TMEM132D: variants seen among roughly 807,000 people sequenced by gnomAD.
TMEM132D encodes mature OL transmembrane protein.
Under a neutral mutation model 62.3 loss-of-function variants are expected in TMEM132D, and 21 were observed. That is an observed-to-expected ratio of 0.34 (90% CI 0.24 to 0.49). The LOEUF is 0.49. Among genes scored for constraint, TMEM132D ranks in the 20% least tolerant of loss-of-function variants. The probability of loss-of-function intolerance (pLI) is 0.99; values close to 1 mark genes in which losing one functional copy is unlikely to be tolerated. For synonymous variants in TMEM132D, 621 were observed against 575.6 expected (o/e 1.08, Z -1.13); for missense variants, 1,346 against 1,402.8 (o/e 0.96, Z 0.65).
intron 2 of TMEM132D, among the ~76,000 whole-genome samples, chr12:129,554,295 TC>T: frequency 6.6e-6 from 1 of 152,302 alleles, no homozygotes; most frequent in African/African-American, 2.4e-5. Flanking sequence ...GATTTGTTTC[TC>T]CCAGTAATTT....
intron 3 of TMEM132D, among the ~76,000 whole-genome samples, chr12:129,339,111 T>G (rs1198459550): frequency 6.6e-6 from 1 of 151,916 alleles, no homozygotes; most frequent in African/African-American, 2.4e-5. Context: ...TCTCTACTAA[T>G]AATACAAAAA....
At chr12:129,473,939 C>G (rs1275638585) in intron 3 of TMEM132D, among the ~76,000 whole-genome samples, 18 of 152,178 alleles carry the variant, frequency 1.2e-4, no homozygotes, top group Admixed American at 1.2e-3. Flanking sequence ...AAACCACATT[C>G]TTGTATAACC....
At chr12:129,624,624 C>T (rs952080188) in intron 2 of TMEM132D, among the ~76,000 whole-genome samples, 2 of 152,266 alleles carry the variant, frequency 1.3e-5, no homozygotes, top group African/African-American at 4.8e-5. Flanking sequence ...GGCAGACACC[C>T]AGTGCTCACC....
intron 4 of TMEM132D, among the ~76,000 whole-genome samples, chr12:129,278,470 C>T (rs958799622): frequency 1.3e-5 from 2 of 152,168 alleles, no homozygotes; most frequent in Admixed American, 6.5e-5. Flanking sequence ...TCATGCCATG[C>T]ACTCCAAGGC....
chr12:129,738,956 G>A lies in TMEM132D; in HGVS notation c.80-38258C>T, dbSNP rs998417231. Among the ~76,000 whole-genome samples, 3 of 152,140 alleles carry A rather than the reference G, an allele frequency of 2.0e-5. No individual in the cohort carries two copies. The South Asian group carries it at 6.2e-4, about 32-fold the overall frequency. ...AAGGAGTGAGGTGGTGCCATAACTG[G>A]TAGGGAGATTTACTTGGAACAGAAA... On this transcript the variant is annotated intron_variant, in intron 1 of 8. Coordinates refer to ENST00000422113, the MANE Select transcript of TMEM132D (RefSeq NM_133448.3).
chr12:129,893,935 C>A (rs548090523), intron 1 of TMEM132D, among the ~76,000 whole-genome samples: 2 of 152,156 alleles, frequency 1.3e-5, no homozygotes, highest in Non-Finnish European at 2.9e-5. Context: ...ATGATTTTCA[C>A]GCCCTACAGA....
chr12:129,634,213 C>G (rs1879420784), intron 2 of TMEM132D, among the ~76,000 whole-genome samples: 1 of 152,028 alleles, frequency 6.6e-6, no homozygotes, highest in South Asian at 2.1e-4. Context: ...TGGCTCACAT[C>G]TGTAATCTCA....
intron 2 of TMEM132D, among the ~76,000 whole-genome samples, chr12:129,677,831 CT>C (rs869098260): frequency 0.22 from 26,007 of 117,498 alleles, 2,471 homozygotes; most frequent in East Asian, 0.46. Context: ...GTGATTTTGT[CT>C]TTTTTTTTTT....
chr12:129,372,551 C>A (rs1452251365), intron 3 of TMEM132D, among the ~76,000 whole-genome samples: 1 of 151,400 alleles, frequency 6.6e-6, no homozygotes, highest in Non-Finnish European at 1.5e-5. Context: ...TATGTTACCA[C>A]CCACATTCCA....
chr12:129,465,620 A>G (rs1270613123), intron 3 of TMEM132D, among the ~76,000 whole-genome samples: 1 of 152,214 alleles, frequency 6.6e-6, no homozygotes, highest in Non-Finnish European at 1.5e-5. Context: ...AAGTCAATGT[A>G]CAAAAATCAC....
intron 2 of TMEM132D, 61 bp from the exon 3 acceptor site, chr12:129,531,266 T>C: frequency 6.6e-7 from 1 of 1,520,904 alleles, no homozygotes; most frequent in East Asian, 2.3e-5. Context: ...GTCATGCTGG[T>C]TCTGGGAACA....
chr12:129,465,742 GAGCTATCTC>G (rs1303452637), intron 3 of TMEM132D, among the ~76,000 whole-genome samples: 1 of 151,996 alleles, frequency 6.6e-6, no homozygotes, highest in East Asian at 1.9e-4. Flanking sequence ...GAGTGCAGTG[GAGCTATCTC>G]AGCTCACTGT....
At chr12:129,236,902 C>T (rs115352846) in intron 4 of TMEM132D, among the ~76,000 whole-genome samples, 239 of 152,274 alleles carry the variant, frequency 1.6e-3, no homozygotes, top group African/African-American at 5.7e-3. Flanking sequence ...TAAATTCCTT[C>T]TATACCTACA....
chr12:129,287,001 T>C (rs1425770449), intron 4 of TMEM132D, among the ~76,000 whole-genome samples: 1 of 150,296 alleles, frequency 6.7e-6, no homozygotes, highest in Non-Finnish European at 1.5e-5. Flanking sequence ...TGAGCTGAGA[T>C]CACGCCACTG....
chr12:129,368,414 C>G (rs1870492003), intron 3 of TMEM132D, among the ~76,000 whole-genome samples: 1 of 152,140 alleles, frequency 6.6e-6, no homozygotes. Flanking sequence ...ATAACCACGT[C>G]TTTTGCATTA....
At chr12:129,899,172 G>T (rs1000480730) in intron 1 of TMEM132D, among the ~76,000 whole-genome samples, 1 of 150,526 alleles carries the variant, frequency 6.6e-6, no homozygotes, top group Non-Finnish European at 1.5e-5. Context: ...TGGAAGGATG[G>T]GTGGATAGAA....
At chr12:129,462,279 A>T (rs1048269273) in intron 3 of TMEM132D, among the ~76,000 whole-genome samples, 4 of 152,156 alleles carry the variant, frequency 2.6e-5, no homozygotes, top group African/African-American at 9.7e-5. Context: ...AGCACACTGC[A>T]TTGGAAGAGA....
intron 5 of TMEM132D, among the ~76,000 whole-genome samples, chr12:129,205,652 T>TTCACCAAATGAACC (rs1878828396): frequency 6.6e-6 from 1 of 152,078 alleles, no homozygotes; most frequent in Admixed American, 6.6e-5. Context: ...AACTCAACAC[T>TTCACCAAATGAACC]TCACCAAATG....
At chr12:129,120,181 G>C (rs1208126488) in intron 5 of TMEM132D, among the ~76,000 whole-genome samples, 2 of 152,166 alleles carry the variant, frequency 1.3e-5, no homozygotes, top group East Asian at 1.9e-4. Flanking sequence ...TTGTGCATGA[G>C]AGTGAAATGG....
Sources: allele counts gnomAD v4.1 joint callset (sites outside exome capture counted in the v4.1 genomes callset), GRCh38; gene constraint gnomAD v4.1.1; transcripts MANE v1.5; gene names NCBI Gene and HGNC (gene_info 2026-07-23, HGNC 2026-07-21).